Variants in MAML3 observed in about 807,000 individuals in gnomAD.
MAML3 encodes mastermind like transcriptional coactivator 3, also known as mastermind-like protein 3.
MAML3 carries 27 observed loss-of-function variants against 101.9 expected under a neutral mutation model. The ratio of observed to expected loss-of-function variants is 0.27; its 90% CI spans 0.20 to 0.37. The LOEUF (loss-of-function observed/expected upper bound fraction) is 0.37, where lower values mean the gene tolerates loss of function less well. Ranked by LOEUF, MAML3 falls within the 10% of genes least tolerant of loss-of-function variation. The pLI, the probability that MAML3 is intolerant of heterozygous loss-of-function variation, is 1.00. For missense variants in MAML3, 1,316 were observed against 1,444.9 expected (o/e 0.91, Z 1.45); for synonymous variants, 501 against 555.9 (o/e 0.90, Z 1.39).
intron 3 of MAML3, among the ~76,000 whole-genome samples, chr4:139,729,130 A>C (rs1728595229): frequency 6.8e-6 from 1 of 147,284 alleles, no homozygotes; most frequent in Non-Finnish European, 1.5e-5. Flanking sequence ...AAGGGAGATA[A>C]TTACACAGCT....
chr4:139,759,363 T>C (rs1031218245), intron 2 of MAML3, among the ~76,000 whole-genome samples: 1 of 152,246 alleles, frequency 6.6e-6, no homozygotes, highest in Non-Finnish European at 1.5e-5. Context: ...TGGAACAGGC[T>C]GGTGTCTGTG....
intron 1 of MAML3, among the ~76,000 whole-genome samples, chr4:139,944,691 T>C (rs1363325814): frequency 6.8e-6 from 1 of 147,522 alleles, no homozygotes; most frequent in African/African-American, 2.5e-5. Flanking sequence ...AAAAAACACA[T>C]GAAAAAATGC....
intron 1 of MAML3, among the ~76,000 whole-genome samples, chr4:140,152,554 A>AG (rs1179037138): frequency 3.3e-5 from 5 of 151,774 alleles, no homozygotes; most frequent in African/African-American, 1.2e-4. Context: ...AAGAAAGGGA[A>AG]GGGGGGAAAC....
chr4:140,083,965 CACAGAGAGAG>C (rs1332713711), intron 1 of MAML3, among the ~76,000 whole-genome samples: 1,908 of 63,130 alleles, frequency 0.03, 15 homozygotes, highest in Admixed American at 0.066. Context: ...CACACACACA[CACAGAGAGAG>C]AGAGAGAGAG....
chr4:139,740,358 C>A (rs1055959809), intron 2 of MAML3: 1 of 152,388 alleles, frequency 6.6e-6, no homozygotes, highest in Middle Eastern at 3.4e-3. Context: ...ACCTGCACCA[C>A]TGAGACGAGC....
At chr4:140,037,282 A>G (rs1727002301) in intron 1 of MAML3, among the ~76,000 whole-genome samples, 1 of 152,120 alleles carries the variant, frequency 6.6e-6, no homozygotes, top group Admixed American at 6.5e-5. Flanking sequence ...AAAACAAAAA[A>G]CAAACTAAGA....
At chr4:140,085,916 C>T (rs1385870619) in intron 1 of MAML3, among the ~76,000 whole-genome samples, 1 of 152,010 alleles carries the variant, frequency 6.6e-6, no homozygotes, top group Non-Finnish European at 1.5e-5. Context: ...TTCTTCTTGG[C>T]CTCTATCATT....
intron 4 of MAML3, among the ~76,000 whole-genome samples, chr4:139,720,628 C>T (rs138243532): frequency 2.8e-4 from 42 of 152,288 alleles, no homozygotes; most frequent in African/African-American, 7.5e-4. Flanking sequence ...TGGGATCGTA[C>T]TGTGCATGTG....
intron 2 of MAML3, among the ~76,000 whole-genome samples, chr4:139,769,340 A>G (rs971366703): frequency 3.3e-5 from 5 of 152,178 alleles, no homozygotes; most frequent in South Asian, 2.1e-4. Flanking sequence ...CTGAGAACAC[A>G]TCTCAGGTGC....
intron 1 of MAML3, among the ~76,000 whole-genome samples, chr4:140,137,190 G>A (rs996495220): frequency 1.3e-5 from 2 of 151,576 alleles, no homozygotes; most frequent in African/African-American, 4.9e-5. Flanking sequence ...GGATTTCACC[G>A]TGTTAGCCAA....
At chr4:139,899,769 A>G (rs1732680640) in intron 1 of MAML3, among the ~76,000 whole-genome samples, 1 of 152,208 alleles carries the variant, frequency 6.6e-6, no homozygotes, top group Non-Finnish European at 1.5e-5. Flanking sequence ...GAGTAAATGA[A>G]TTTGAATTTT....
intron 2 of MAML3, among the ~76,000 whole-genome samples, chr4:139,771,128 G>C (rs1313643376): frequency 6.6e-6 from 1 of 152,202 alleles, no homozygotes; most frequent in Non-Finnish European, 1.5e-5. Context: ...CAAAGTTACA[G>C]CTACAGTTTA....
At position 139,718,558 on chromosome 4, in the gene MAML3, C is replaced by G. The variant is rs1254787045; in HGVS notation, c.*765G>C. On this transcript the variant is annotated 3_prime_UTR_variant, in exon 5 of 5. Coordinates refer to ENST00000509479, the MANE Select transcript of MAML3 (RefSeq NM_018717.5). ...GTATTGGGCGCCAGCAGGCTCCAGC[C>G]CCACCTGGAGGGACTGCCACCAGGG... The G allele has an allele frequency of 6.6e-6, 1 of 152,430 alleles. No individual in the cohort carries two copies. The highest frequency in any genetic ancestry group is 1.5e-5 in the Non-Finnish European group (1 of 68,234). The allele number at this position is 152,430 out of a possible 1,614,324, so 9.4% of individuals were successfully genotyped here.
intron 1 of MAML3, among the ~76,000 whole-genome samples, chr4:140,065,647 G>C (rs1211095734): frequency 6.6e-6 from 1 of 152,170 alleles, no homozygotes; most frequent in Non-Finnish European, 1.5e-5. Flanking sequence ...TAAGGTTTTT[G>C]AACCCACTCT....
chr4:139,779,664 G>A (rs1039077581), intron 2 of MAML3, among the ~76,000 whole-genome samples: 4 of 152,220 alleles, frequency 2.6e-5, no homozygotes, highest in East Asian at 1.9e-4. Flanking sequence ...AGGACAGACC[G>A]GAACACGGAC....
intron 2 of MAML3, among the ~76,000 whole-genome samples, chr4:139,869,616 T>C (rs1049058439): frequency 2.6e-5 from 4 of 152,160 alleles, no homozygotes; most frequent in Admixed American, 2.0e-4. Flanking sequence ...CCAGCACCTA[T>C]GTGCATGACC....
At chr4:139,970,602 A>C (rs1037727451) in intron 1 of MAML3, among the ~76,000 whole-genome samples, 2 of 152,224 alleles carry the variant, frequency 1.3e-5, no homozygotes, top group Non-Finnish European at 2.9e-5. Flanking sequence ...GAGGAAAGTC[A>C]TTCAATTTCA....
At chr4:139,723,342 C>A (rs567064689) in intron 4 of MAML3, among the ~76,000 whole-genome samples, 1 of 152,214 alleles carries the variant, frequency 6.6e-6, no homozygotes, top group East Asian at 1.9e-4. Flanking sequence ...CACAGTTTTG[C>A]TCTTGTTGCC....
At chr4:140,007,155 C>G (rs1028187973) in intron 1 of MAML3, among the ~76,000 whole-genome samples, 2 of 152,056 alleles carry the variant, frequency 1.3e-5, no homozygotes, top group African/African-American at 4.8e-5. Context: ...TTTTAAATAG[C>G]CTTGTTCATA....
Sources: allele counts gnomAD v4.1 joint callset (sites outside exome capture counted in the v4.1 genomes callset), GRCh38; gene constraint gnomAD v4.1.1; transcripts MANE v1.5; gene names NCBI Gene and HGNC (gene_info 2026-07-23, HGNC 2026-07-21).